The following KRCC1 variants were observed in gnomAD, a reference collection of about 807,000 sequenced individuals.
The protein encoded by KRCC1 is lysine rich coiled-coil 1.
In KRCC1, 3 loss-of-function variants were observed where a neutral mutation model predicts 7.4. The observed-to-expected ratio is 0.40, with a 90% CI of 0.18 to 1.04. The LOEUF (loss-of-function observed/expected upper bound fraction) is 1.04, where lower values mean the gene tolerates loss of function less well. Among genes scored for constraint, KRCC1 ranks in the 50% least tolerant of loss-of-function variants. The pLI, the probability that KRCC1 is intolerant of heterozygous loss-of-function variation, is 0.33. For synonymous variants in KRCC1, 102 were observed against 101.6 expected, an observed-to-expected ratio of 1.00 and a Z score of -0.02; for missense variants, 277 against 300.9, an observed-to-expected ratio of 0.92 and a Z score of 0.59.
At chr2:88,033,809 A>C (rs959929935) in intron 3 of KRCC1, among the ~76,000 whole-genome samples, 4 of 152,228 alleles carry the variant, frequency 2.6e-5, no homozygotes, top group African/African-American at 9.6e-5. Context: ...CAGTTTCATC[A>C]ATTCCACTTA....
In KRCC1 at chr2:88,028,496, T is replaced by G. The variant is rs1672925555; in HGVS notation, c.68A>C (p.Lys23Thr). The change falls in exon 4 of 4, where the codon AAA becomes ACA. Residue 23 changes from lysine to threonine, a missense_variant. Coordinates refer to ENST00000347055, the MANE Select transcript of KRCC1 (RefSeq NM_016618.3). ...DELEDYIKVQKARGLEPKTCF... is the reference protein window; with the variant it reads ...DELEDYIKVQTARGLEPKTCF... ...AGTCTTTGGCTCTAAGCCTCTGGCT[T>G]TCTGTACTTTAATATAATCTTCAAG... The G allele has an allele frequency of 6.2e-7, 1 of 1,613,408 alleles. No homozygotes were observed. Among genetic ancestry groups the G allele is most frequent in the Non-Finnish European group, 8.5e-7 (1 of 1,179,560 alleles).
At position 88,055,607 on chromosome 2, in the gene KRCC1, C is replaced by G. The variant is rs1043336871; in HGVS notation, c.-291+19G>C. On this transcript the variant is annotated intron_variant, in intron 1 of 3. Transcript: ENST00000347055. ...GGGCTGAAGACCGGGCCGCCCCCGC[C>G]GCCGGGGCGGGAACTCACCTTCTCT... 3 of 152,328 alleles carry G rather than the reference C, an allele frequency of 2.0e-5. No individual in the cohort carries two copies. The highest frequency in any genetic ancestry group is 2.9e-5 in the Non-Finnish European group (2 of 68,222). 9.4% of individuals were successfully genotyped at this position (152,328 alleles called of 1,614,324 possible). A position where few individuals can be genotyped will look rare whatever the true frequency, so the allele number is the denominator to read the frequency against.
chr2:88,039,186 T>G (rs1338458597), intron 1 of KRCC1, among the ~76,000 whole-genome samples: 1 of 152,230 alleles, frequency 6.6e-6, no homozygotes, highest in African/African-American at 2.4e-5. Flanking sequence ...TATTGCTCTT[T>G]GTACATCTCT....
intron 1 of KRCC1, among the ~76,000 whole-genome samples, chr2:88,049,977 C>G (rs1673434258): frequency 1.3e-5 from 2 of 152,168 alleles, no homozygotes; most frequent in South Asian, 4.1e-4. Flanking sequence ...TCTGACTAAT[C>G]CATATTTAAA....
intron 1 of KRCC1, among the ~76,000 whole-genome samples, chr2:88,043,117 C>T (rs1156367140): frequency 6.6e-6 from 1 of 152,080 alleles, no homozygotes; most frequent in Non-Finnish European, 1.5e-5. Flanking sequence ...CAGGAAATGC[C>T]CTTCTAAAAT....
rs1672905366 is a variant in KRCC1 at position 88,027,908 on chromosome 2, T to A, written c.656A>T (p.Glu219Val). The change falls in exon 4 of 4, where the codon GAG (glutamate) becomes GTG (valine). Residue 219 changes from glutamate to valine, a missense_variant. Coordinates refer to ENST00000347055, the MANE Select transcript of KRCC1 (RefSeq NM_016618.3). ...VSTEKLKNRK[E>V]KKSRDVVSKK... ...AGAGACTACATCTCGGCTTTTTTTC[T>A]CCTTTCGATTCTTAAGCTTTTCTGT... The A allele has an allele frequency of 1.2e-6, 2 of 1,614,088 alleles. No individual in the cohort carries two copies. Among genetic ancestry groups the A allele is most frequent in the Non-Finnish European group, 1.7e-6 (2 of 1,180,028 alleles).
chr2:88,046,626 C>A (rs1181898122), intron 1 of KRCC1, among the ~76,000 whole-genome samples: 1 of 152,166 alleles, frequency 6.6e-6, no homozygotes, highest in Non-Finnish European at 1.5e-5. Context: ...GAAGGATGGA[C>A]CTGATCCTTA....
chr2:88,047,050 T>C (rs1673352375), intron 1 of KRCC1, among the ~76,000 whole-genome samples: 1 of 152,182 alleles, frequency 6.6e-6, no homozygotes, highest in South Asian at 2.1e-4. Context: ...AACTACTGTA[T>C]TAAATATGAA....
At position 88,027,742 on chromosome 2, in the gene KRCC1, T is replaced by G. The variant is rs775334132; in HGVS notation, c.*42A>C. ...GATATCATAAAACCAAGCTCTCACCTATTTTTTCAATTTAACTTTGGGAGA... is the reference window on the plus strand; with the variant it reads ...GATATCATAAAACCAAGCTCTCACCGATTTTTTCAATTTAACTTTGGGAGA... On this transcript the variant is annotated 3_prime_UTR_variant, in exon 4 of 4. Transcript: ENST00000347055. The G allele has an allele frequency of 6.6e-7, 1 of 1,521,412 alleles. No homozygotes were observed. The highest frequency in any genetic ancestry group is 1.3e-5 in the South Asian group (1 of 75,098). The allele number at this position is 1,521,412 out of a possible 1,614,324, so 94.2% of individuals were successfully genotyped here.
At chr2:88,035,187 A>G (rs938888240) in intron 2 of KRCC1, among the ~76,000 whole-genome samples, 13 of 152,224 alleles carry the variant, frequency 8.5e-5, no homozygotes, top group African/African-American at 3.1e-4. Context: ...TACTTCTAAC[A>G]CAAAGTTTTA....
intron 1 of KRCC1, among the ~76,000 whole-genome samples, chr2:88,052,816 C>T (rs1673525090): frequency 6.6e-6 from 1 of 152,146 alleles, no homozygotes; most frequent in African/African-American, 2.4e-5. Context: ...GTTACTATTG[C>T]CTTTCATTGC....
chr2:88,036,236 T>A (rs2104610223), intron 2 of KRCC1, among the ~76,000 whole-genome samples: 1 of 152,226 alleles, frequency 6.6e-6, no homozygotes, highest in African/African-American at 2.4e-5. Context: ...TCTCAGAGCG[T>A]GAGAAGAGCA....
chr2:88,032,384 CACTT>C (rs995392887), intron 3 of KRCC1, among the ~76,000 whole-genome samples: 2 of 152,162 alleles, frequency 1.3e-5, no homozygotes, highest in Non-Finnish European at 2.9e-5. Context: ...GATACACAAA[CACTT>C]ACTGTTGTGT....
Position 88,048,748 on chromosome 2 carries a change from GT to G in KRCC1, c.-291+6877del, listed in dbSNP as rs1323013728. On this transcript the variant is annotated intron_variant, in intron 1 of 3. Coordinates refer to ENST00000347055, the MANE Select transcript of KRCC1 (RefSeq NM_016618.3). Reference sequence around the variant, plus strand: ...AGAAGCGGTGAGAATGGACATCCTTGTTTTATGCCTGCTCTTAGGGAGTTCT... The same window carrying G: ...AGAAGCGGTGAGAATGGACATCCTTGTTTATGCCTGCTCTTAGGGAGTTCT... Among the ~76,000 whole-genome samples the G allele has an allele frequency of 2.0e-5, 3 of 152,282 alleles. No individual in the cohort carries two copies. The South Asian group carries it at 6.2e-4, about 32-fold the overall frequency.
In KRCC1 at chr2:88,036,926, T is replaced by C. The variant is rs954298723; in HGVS notation, c.-182+17A>G. 1.3e-5 allele frequency: 2 copies of C among 152,210 alleles called. No individual in the cohort carries two copies. Among genetic ancestry groups the C allele is most frequent in the African/African-American group, 4.8e-5 (2 of 41,454 alleles). The allele number at this position is 152,210 out of a possible 1,614,324, so 9.4% of individuals were successfully genotyped here. A position where few individuals can be genotyped will look rare whatever the true frequency, so the allele number is the denominator to read the frequency against. ...AAAAAGTGACATTAGGACATATTCC[T>C]TCTATTTTCAACCTACCTCATAATG... On this transcript the variant is annotated intron_variant, in intron 2 of 3. Transcript: ENST00000347055.
chr2:88,037,964 C>T (rs1245408370), intron 1 of KRCC1, among the ~76,000 whole-genome samples: 1 of 152,136 alleles, frequency 6.6e-6, no homozygotes, highest in Non-Finnish European at 1.5e-5. Flanking sequence ...AGAAGTTTAC[C>T]AGTTTATACA....
intron 1 of KRCC1, among the ~76,000 whole-genome samples, chr2:88,047,502 T>C (rs1194742910): frequency 6.6e-6 from 1 of 152,218 alleles, no homozygotes; most frequent in Non-Finnish European, 1.5e-5. Context: ...TGACCTGTTG[T>C]GATAATGGCA....
intron 1 of KRCC1, among the ~76,000 whole-genome samples, chr2:88,038,053 G>A (rs1175937999): frequency 2.0e-5 from 3 of 152,162 alleles, no homozygotes; most frequent in Non-Finnish European, 2.9e-5. Context: ...CATATGTAAT[G>A]TCATGGAGAA....
chr2:88,043,857 T>C (rs1014247388), intron 1 of KRCC1, among the ~76,000 whole-genome samples: 3 of 152,094 alleles, frequency 2.0e-5, no homozygotes, highest in Admixed American at 1.3e-4. Context: ...TTTTTTTAAG[T>C]AGAGATGGGG....
Sources: allele counts gnomAD v4.1 joint callset (sites outside exome capture counted in the v4.1 genomes callset), GRCh38; gene constraint gnomAD v4.1.1; transcripts MANE v1.5; gene names NCBI Gene and HGNC (gene_info 2026-07-23, HGNC 2026-07-21).